Variants in FAM107B observed in about 807,000 individuals in gnomAD.
FAM107B encodes family with sequence similarity 107 member B.
Under a neutral mutation model 31.5 loss-of-function variants are expected in FAM107B, and 21 were observed. The ratio of observed to expected loss-of-function variants is 0.67; its 90% CI spans 0.47 to 0.96. The LOEUF (loss-of-function observed/expected upper bound fraction) is 0.96. Ranked by LOEUF, FAM107B falls within the 40% of genes least tolerant of loss-of-function variation. The pLI is 0.00. For synonymous variants in FAM107B, 157 were observed against 141.5 expected (o/e 1.11, Z -0.78); for missense variants, 452 against 377.1 (o/e 1.20, Z -1.64).
intron 2 of FAM107B, among the ~76,000 whole-genome samples, chr10:14,636,870 C>G (rs1426160849): frequency 6.6e-6 from 1 of 152,108 alleles, no homozygotes; most frequent in Non-Finnish European, 1.5e-5. Context: ...ATGGCCCATG[C>G]AGCTTTATCT....
Position 14,774,444 on chromosome 10 carries a change from C to T in FAM107B, c.220G>A (p.Glu74Lys), listed in dbSNP as rs867545091. ...PRHPSAEGAPEKRQDSSTHAE... is the reference protein window; with the variant it reads ...PRHPSAEGAPKKRQDSSTHAE... ...TGGGTGCTCGAATCTTGCCTTTTCT[C>T]TGGAGCTCCTTCTGCGCTTGGGTGT... The change falls in exon 1 of 5, where the codon GAG becomes AAG. Residue 74 changes from glutamate (E) to lysine (K), a missense_variant. Glu to Lys is a moderately conservative substitution (Grantham distance 56). Coordinates refer to ENST00000181796, the MANE Select transcript of FAM107B (RefSeq NM_031453.4). 1 of 1,614,202 alleles carries T rather than the reference C, an allele frequency of 6.2e-7. No individual in the cohort carries two copies. The highest frequency in any genetic ancestry group is 1.1e-5 in the South Asian group (1 of 91,086).
chr10:14,566,432 T>A (rs1285251481), intron 2 of FAM107B, among the ~76,000 whole-genome samples: 2 of 152,034 alleles, frequency 1.3e-5, no homozygotes, highest in Non-Finnish European at 2.9e-5. Context: ...GCGACCCACG[T>A]CCCACAACTG....
intron 1 of FAM107B, among the ~76,000 whole-genome samples, chr10:14,692,362 T>C (rs1242419833): frequency 2.6e-5 from 4 of 152,074 alleles, no homozygotes; most frequent in African/African-American, 9.7e-5. Context: ...CTAAACCCAT[T>C]TGGAATTTCA....
chr10:14,622,894 T>C (rs551670153), intron 2 of FAM107B, among the ~76,000 whole-genome samples: 22 of 152,216 alleles, frequency 1.4e-4, no homozygotes, highest in Non-Finnish European at 2.9e-5. Context: ...TTCTTTCCTG[T>C]AGAAATCACC....
chr10:14,691,710 T>G (rs1334106221), intron 1 of FAM107B, among the ~76,000 whole-genome samples: 1 of 152,022 alleles, frequency 6.6e-6, no homozygotes, highest in Non-Finnish European at 1.5e-5. Context: ...CTGGCCAACA[T>G]GGTGAAACCC....
chr10:14,588,912 T>G (rs1269857441), intron 2 of FAM107B, among the ~76,000 whole-genome samples: 1 of 152,040 alleles, frequency 6.6e-6, no homozygotes, highest in Non-Finnish European at 1.5e-5. Flanking sequence ...CTGGGCGCAG[T>G]GACTCACGCC....
intron 2 of FAM107B, among the ~76,000 whole-genome samples, chr10:14,665,790 A>G (rs1214093217): frequency 6.6e-6 from 1 of 152,236 alleles, no homozygotes; most frequent in Non-Finnish European, 1.5e-5. Flanking sequence ...TCCCAGTGCA[A>G]ATTGAATTGC....
chr10:14,573,078 A>G (rs1432519138), intron 2 of FAM107B, among the ~76,000 whole-genome samples: 1 of 152,144 alleles, frequency 6.6e-6, no homozygotes, highest in Non-Finnish European at 1.5e-5. Flanking sequence ...TCCTGCACCA[A>G]GCCCAGTGCA....
At chr10:14,604,088 C>A (rs1178581625) in intron 2 of FAM107B, among the ~76,000 whole-genome samples, 1 of 146,228 alleles carries the variant, frequency 6.8e-6, no homozygotes, top group African/African-American at 2.5e-5. Flanking sequence ...GGTCCCCGTA[C>A]GCCCGCTGCC....
intron 2 of FAM107B, chr10:14,556,278 G>A (rs1849692967): frequency 1.1e-6 from 1 of 908,302 alleles, no homozygotes; most frequent in Non-Finnish European, 1.3e-6. Flanking sequence ...TGGAAGGCCA[G>A]TAATTTGATA....
chr10:14,559,178 G>T (rs1460062045), intron 2 of FAM107B, among the ~76,000 whole-genome samples: 1 of 151,174 alleles, frequency 6.6e-6, no homozygotes, highest in Non-Finnish European at 1.5e-5. Context: ...AATCGATCAA[G>T]ATCAGCCACA....
chr10:14,682,009 A>C (rs180771027), intron 1 of FAM107B, among the ~76,000 whole-genome samples: 1 of 152,324 alleles, frequency 6.6e-6, no homozygotes, highest in African/African-American at 2.4e-5. Flanking sequence ...ACAGATGCAC[A>C]CCTGTTGAAC....
intron 2 of FAM107B, among the ~76,000 whole-genome samples, chr10:14,607,990 A>G (rs1852635050): frequency 6.6e-6 from 1 of 151,950 alleles, no homozygotes. Flanking sequence ...ATTCATCCCT[A>G]AGGAAAATCG....
At chr10:14,702,705 A>G (rs1231619524) in intron 1 of FAM107B, among the ~76,000 whole-genome samples, 1 of 152,216 alleles carries the variant, frequency 6.6e-6, no homozygotes, top group Non-Finnish European at 1.5e-5. Context: ...GCTTTGCAAC[A>G]GGAAGATAAG....
intron 2 of FAM107B, among the ~76,000 whole-genome samples, chr10:14,592,353 T>G (rs1051823972): frequency 2.0e-5 from 3 of 152,192 alleles, no homozygotes; most frequent in Non-Finnish European, 4.4e-5. Context: ...AGCAGGTTCG[T>G]AGCAACTCTG....
intron 1 of FAM107B, among the ~76,000 whole-genome samples, chr10:14,731,044 G>A (rs1290902712): frequency 1.3e-5 from 2 of 152,136 alleles, no homozygotes; most frequent in Non-Finnish European, 2.9e-5. Flanking sequence ...GGCTTAGCAG[G>A]CACAGGCGGA....
intron 2 of FAM107B, among the ~76,000 whole-genome samples, chr10:14,538,080 A>G (rs1044971554): frequency 6.6e-6 from 1 of 152,182 alleles, no homozygotes; most frequent in Non-Finnish European, 1.5e-5. Context: ...TGATGGATGG[A>G]CGAACCAGAT....
At chr10:14,540,597 C>T (rs1034070025) in intron 2 of FAM107B, among the ~76,000 whole-genome samples, 9 of 152,164 alleles carry the variant, frequency 5.9e-5, no homozygotes, top group Non-Finnish European at 8.8e-5. Context: ...CTCCCTTTAA[C>T]GCCACCAGCA....
chr10:14,634,330 G>T (rs1352288206), intron 2 of FAM107B, among the ~76,000 whole-genome samples: 1 of 151,590 alleles, frequency 6.6e-6, no homozygotes, highest in African/African-American at 2.4e-5. Flanking sequence ...AACCCAGGAG[G>T]CTGGGGTTGC....
Sources: allele counts gnomAD v4.1 joint callset (sites outside exome capture counted in the v4.1 genomes callset), GRCh38; gene constraint gnomAD v4.1.1; transcripts MANE v1.5; gene names NCBI Gene and HGNC (gene_info 2026-07-23, HGNC 2026-07-21).